The following PTPRT variants were observed in gnomAD, a reference collection of about 807,000 sequenced individuals.
PTPRT encodes the protein protein tyrosine phosphatase receptor type T, also known as receptor-type tyrosine-protein phosphatase T.
PTPRT carries 56 observed loss-of-function variants against 176.8 expected under a neutral mutation model. The ratio of observed to expected loss-of-function variants is 0.32; its 90% CI spans 0.26 to 0.40. The LOEUF is 0.40. Among genes scored for constraint, PTPRT ranks in the 10% least tolerant of loss-of-function variants. The probability of loss-of-function intolerance (pLI) is 1.00; values close to 1 mark genes in which losing one functional copy is unlikely to be tolerated. For missense variants in PTPRT, 1,540 were observed against 1,908.2 expected (o/e 0.81, Z 3.60); for synonymous variants, 783 against 739.0 (o/e 1.06, Z -0.96).
At chr20:42,177,699 G>C (rs1990348513) in intron 16 of PTPRT, among the ~76,000 whole-genome samples, 1 of 152,102 alleles carries the variant, frequency 6.6e-6, no homozygotes, top group Admixed American at 6.6e-5. Flanking sequence ...TTTAGTTTGG[G>C]GCCAGTCATG....
At chr20:42,352,941 TA>T (rs981388504) in intron 9 of PTPRT, among the ~76,000 whole-genome samples, 18 of 148,302 alleles carry the variant, frequency 1.2e-4, no homozygotes, top group Admixed American at 3.4e-4. Flanking sequence ...TGAAAAGAAG[TA>T]AAAAAAAAAG....
intron 7 of PTPRT, among the ~76,000 whole-genome samples, chr20:42,588,524 C>T (rs1177652008): frequency 6.6e-6 from 1 of 151,874 alleles, no homozygotes; most frequent in Non-Finnish European, 1.5e-5. Context: ...ATAAGGAACA[C>T]ACCATATTTC....
intron 7 of PTPRT, among the ~76,000 whole-genome samples, chr20:42,556,211 T>G (rs1287166743): frequency 6.6e-6 from 1 of 152,156 alleles, no homozygotes; most frequent in Non-Finnish European, 1.5e-5. Flanking sequence ...GCCAATTGTA[T>G]GTACAGCCTC....
rs565877732 is a variant in PTPRT at position 43,121,739 on chromosome 20, G to A, written c.88+67907C>T. Among the ~76,000 whole-genome samples, 9 of 152,176 alleles carry A rather than the reference G, an allele frequency of 5.9e-5. No homozygotes were observed. The South Asian group carries it at 6.2e-4, about 11-fold the overall frequency. ...GAAAATAAAAAATAATAGGTGTTTC[G>A]AAAAAATATTTTAAATTTGTCTTTG... On this transcript the variant is annotated intron_variant, in intron 1 of 30. Transcript: ENST00000373187.
the PTPRT span, among the ~76,000 whole-genome samples, chr20:42,053,228 G>A: frequency 1.3e-5 from 2 of 152,114 alleles, no homozygotes; most frequent in South Asian, 2.1e-4. Flanking sequence ...GTGGCTCTGC[G>A]GTGGGATCCA....
At chr20:42,465,520 T>G (rs2071088812) in intron 8 of PTPRT, among the ~76,000 whole-genome samples, 1 of 152,180 alleles carries the variant, frequency 6.6e-6, no homozygotes, top group African/African-American at 2.4e-5. Context: ...TATGAAGTGA[T>G]TTCTAGGATA....
intron 7 of PTPRT, among the ~76,000 whole-genome samples, chr20:42,536,590 A>G (rs2072480268): frequency 6.6e-6 from 1 of 152,130 alleles, no homozygotes; most frequent in Non-Finnish European, 1.5e-5. Context: ...CACTGATTAC[A>G]CATCTCTAAA....
intron 2 of PTPRT, among the ~76,000 whole-genome samples, chr20:42,843,792 G>A (rs899145786): frequency 5.9e-5 from 9 of 152,218 alleles, no homozygotes; most frequent in African/African-American, 2.2e-4. Flanking sequence ...TCTAATGAGA[G>A]GGAATTAAGG....
intron 6 of PTPRT, among the ~76,000 whole-genome samples, chr20:42,746,659 G>A (rs2076695315): frequency 6.6e-6 from 1 of 151,970 alleles, no homozygotes; most frequent in African/African-American, 2.4e-5. Flanking sequence ...ATTAATAAAA[G>A]TTAAGACCAA....
intron 9 of PTPRT, among the ~76,000 whole-genome samples, chr20:42,389,764 A>G (rs535865293): frequency 7.7e-4 from 117 of 151,116 alleles, no homozygotes; most frequent in African/African-American, 2.7e-3. Context: ...TTAAGGCAGG[A>G]GGATTGCTTG....
chr20:42,803,965 C>T (rs1038069569), intron 2 of PTPRT, among the ~76,000 whole-genome samples: 3 of 152,278 alleles, frequency 2.0e-5, no homozygotes, highest in East Asian at 1.9e-4. Flanking sequence ...GCTGGGAGTG[C>T]GGTCCTTATT....
At chr20:42,977,094 GCA>G (rs1982998760) in intron 1 of PTPRT, among the ~76,000 whole-genome samples, 1 of 152,108 alleles carries the variant, frequency 6.6e-6, no homozygotes, top group African/African-American at 2.4e-5. Context: ...GTTAAAACAA[GCA>G]CAGACTCATA....
At chr20:42,149,271 A>G (rs1265907558) in intron 17 of PTPRT, among the ~76,000 whole-genome samples, 1 of 152,184 alleles carries the variant, frequency 6.6e-6, no homozygotes, top group African/African-American at 2.4e-5. Context: ...TAGAGCCTCT[A>G]GAAAGGGAGG....
chr20:42,781,427 C>T (rs1337857831), intron 3 of PTPRT, among the ~76,000 whole-genome samples: 1 of 152,080 alleles, frequency 6.6e-6, no homozygotes, highest in Non-Finnish European at 1.5e-5. Context: ...GACTTGATAT[C>T]CATCCACACC....
rs1212198685 is a variant in PTPRT at position 42,119,898 on chromosome 20, G to A, written c.2884+37C>T. ...AGCCCTTTCCCCTGGGACCCCTGAA[G>A]CCTCTCTGAGGCACTAGGTGGAGGG... On this transcript the variant is annotated intron_variant, in intron 20 of 30. Coordinates refer to ENST00000373187, the MANE Select transcript of PTPRT (RefSeq NM_007050.6). The A allele has an allele frequency of 2.5e-6, 4 of 1,582,414 alleles. No individual in the cohort carries two copies. In the African/African-American group the frequency reaches 5.4e-5, roughly 22 times the overall value.
chr20:42,467,812 C>A (rs903688982), intron 8 of PTPRT, among the ~76,000 whole-genome samples: 3 of 152,144 alleles, frequency 2.0e-5, no homozygotes, highest in Admixed American at 2.0e-4. Context: ...CTCCTTTGTA[C>A]TATTCTTTCG....
At chr20:42,445,663 A>G (rs1399866497) in intron 9 of PTPRT, among the ~76,000 whole-genome samples, 1 of 152,200 alleles carries the variant, frequency 6.6e-6, no homozygotes, top group Non-Finnish European at 1.5e-5. Context: ...ACCAGTTACA[A>G]TACTCTGGTT....
chr20:43,105,691 C>T (rs1005485462), intron 1 of PTPRT, among the ~76,000 whole-genome samples: 2 of 152,230 alleles, frequency 1.3e-5, no homozygotes, highest in Non-Finnish European at 2.9e-5. Context: ...TGAGCCACCG[C>T]ACCCAGCCTT....
chr20:42,065,203 C>CA, the PTPRT span, among the ~76,000 whole-genome samples: 1 of 152,178 alleles, frequency 6.6e-6, no homozygotes, highest in African/African-American at 2.4e-5. Context: ...TCCTGACCCA[C>CA]AAAATTATGA....
Sources: gnomAD v4.1 joint callset for allele counts (sites outside exome capture counted in the v4.1 genomes callset) on GRCh38, gnomAD v4.1.1 for gene constraint, MANE v1.5 for transcripts, NCBI Gene and HGNC (gene_info 2026-07-23, HGNC 2026-07-21) for gene names.